Variants in CIAO3 observed in about 807,000 individuals in gnomAD.
The protein encoded by CIAO3 is cytosolic iron-sulfur assembly component 3.
Under a neutral mutation model 51.5 loss-of-function variants are expected in CIAO3, and 45 were observed. The observed-to-expected ratio is 0.87, with a 90% CI of 0.69 to 1.12. The LOEUF is 1.12. Among genes scored for constraint, CIAO3 ranks in the 50% most tolerant of loss-of-function variants. CIAO3 has a pLI of 0.00. For synonymous variants in CIAO3, 314 were observed against 269.3 expected, an observed-to-expected ratio of 1.17 and a Z score of -1.63; for missense variants, 668 against 632.5, an observed-to-expected ratio of 1.06 and a Z score of -0.60.
chr16:740,395 T>C (rs2041379149), intron 1 of CIAO3: 2 of 319,056 alleles, frequency 6.3e-6, no homozygotes, highest in South Asian at 2.6e-5. Flanking sequence ...GCGGGGCGTC[T>C]AGCGGGCCGC....
intron 10 of CIAO3, 26 bp from the exon 11 acceptor site, chr16:730,681 G>T: frequency 6.3e-7 from 1 of 1,598,732 alleles, no homozygotes. Context: ...CGGGACAGGG[G>T]TCACAGCCTG....
chr16:730,746 C>A (rs2041267860), intron 10 of CIAO3, 91 bp from the exon 11 acceptor site: 1 of 1,579,386 alleles, frequency 6.3e-7, no homozygotes, highest in African/African-American at 1.3e-5. Context: ...CGGGCCCCCT[C>A]TGTGCCCCAC....
In CIAO3 at chr16:734,721, C is replaced by G; in HGVS notation, c.574+16G>C. The G allele has an allele frequency of 6.2e-7, 1 of 1,612,790 alleles. No individual in the cohort carries two copies. The highest frequency in any genetic ancestry group is 1.1e-5 in the South Asian group (1 of 91,084). Reference sequence around the variant, plus strand: ...ACTTGAACTTGACTCTCCCACCACCCGCACCATGAGCACACCTGGGCAGGC... The same window carrying G: ...ACTTGAACTTGACTCTCCCACCACCGGCACCATGAGCACACCTGGGCAGGC... On this transcript the variant is annotated intron_variant, in intron 5 of 10. Coordinates refer to ENST00000251588, the MANE Select transcript of CIAO3 (RefSeq NM_022493.3).
chr16:740,917 C>T lies in CIAO3; in HGVS notation c.66+3G>A, dbSNP rs1423662712. On this transcript the variant is annotated splice_donor_region_variant and intron_variant, in intron 1 of 10. Coordinates refer to ENST00000251588, the MANE Select transcript of CIAO3 (RefSeq NM_022493.3). Reference sequence around the variant, plus strand: ...TCGACCCCGCCCGCCCAGGCCGGCCCACCTGAGACGGCCCGATGAAGTCAT... The same window carrying T: ...TCGACCCCGCCCGCCCAGGCCGGCCTACCTGAGACGGCCCGATGAAGTCAT... The T allele has an allele frequency of 2.0e-6, 3 of 1,529,118 alleles. No homozygotes were observed. The highest frequency in any genetic ancestry group is 2.5e-5 in the East Asian group (1 of 39,450). 94.7% of individuals were successfully genotyped at this position (1,529,118 alleles called of 1,614,324 possible).
At chr16:735,011 G>A (rs1178661340) in intron 4 of CIAO3, 140 bp from the exon 5 acceptor site, 15 of 1,226,482 alleles carry the variant, frequency 1.2e-5, no homozygotes, top group Non-Finnish European at 1.6e-5. Context: ...CCCCACCGTG[G>A]GGACCTCCTA....
chr16:740,386 C>A, intron 1 of CIAO3: 1 of 321,024 alleles, frequency 3.1e-6, no homozygotes, highest in South Asian at 2.6e-5. Flanking sequence ...GGAGCCACTG[C>A]GGGGCGTCTA....
In CIAO3 at chr16:734,999, G is replaced by A. The variant is rs547934542; in HGVS notation, c.440-128C>T. ...CACCTGCTTGCCGTGCCAAAGCCCC[G>A]GCCCCACCGTGGGGACCTCCTAAAG... On this transcript the variant is annotated intron_variant, in intron 4 of 10. Transcript: ENST00000251588. 2.7e-4 allele frequency: 356 copies of A among 1,312,316 alleles called. 3 individuals carry two copies. In the African/African-American group the frequency reaches 3.8e-3, roughly 14 times the overall value. 81.3% of individuals were successfully genotyped at this position (1,312,316 alleles called of 1,614,324 possible).
chr16:733,473 G>T (rs1043020723), intron 6 of CIAO3, 46 bp from the exon 7 acceptor site: 1 of 1,610,718 alleles, frequency 6.2e-7, no homozygotes, highest in Non-Finnish European at 8.5e-7. Context: ...CAGCAGTAAG[G>T]TGGCTGAGAC....
At chr16:731,456 C>T (rs1467196725) in intron 9 of CIAO3, 109 bp downstream of exon 9, 12 of 1,385,936 alleles carry the variant, frequency 8.7e-6, no homozygotes, top group Non-Finnish European at 9.4e-7. Flanking sequence ...CTGCAGGCTG[C>T]CCTCCACCCA....
intron 6 of CIAO3, 116 bp downstream of exon 6, chr16:734,113 G>A: frequency 3.3e-6 from 3 of 899,978 alleles, no homozygotes; most frequent in South Asian, 1.3e-5. Context: ...GGTGTGCTGG[G>A]GAAGGCCGCA....
chr16:738,305 G>A (rs1338562296), intron 2 of CIAO3: 3 of 984,626 alleles, frequency 3.0e-6, no homozygotes, highest in African/African-American at 1.8e-5. Context: ...TCAGGCAGAC[G>A]TTTTTTAGAG....
At chr16:735,048 C>A in intron 4 of CIAO3, 177 bp from the exon 5 acceptor site, 1 of 858,476 alleles carries the variant, frequency 1.2e-6, no homozygotes, top group Non-Finnish European at 1.7e-6. Context: ...AAGCCCCAGC[C>A]CCACTGTGGG....
intron 4 of CIAO3, 21 bp from the exon 5 acceptor site, chr16:734,892 C>A (rs371759618): frequency 6.5e-7 from 1 of 1,530,308 alleles, no homozygotes. Flanking sequence ...AAGGTGGGTG[C>A]CTGGTTAACC....
At position 737,316 on chromosome 16, in the gene CIAO3, C is replaced by T. The variant is rs145443437; in HGVS notation, c.176G>A (p.Arg59Gln). Residue 59 changes from arginine (R) to glutamine (Q), a missense_variant, in exon 3 of 11, where the codon CGG (arginine) becomes CAG (glutamine). Coordinates refer to ENST00000251588, the MANE Select transcript of CIAO3 (RefSeq NM_022493.3). This position sits in a 1 kb window ranked among gnomAD's most constrained non-coding sequence, Gnocchi z 5.3. ...CGAGACCTTGGCCTTCTCCAGCCTCCGGGTCCCGCCGTCCTACAAGGGAGA... is the reference window on the plus strand; with the variant it reads ...CGAGACCTTGGCCTTCTCCAGCCTCTGGGTCCCGCCGTCCTACAAGGGAGA... ...YFQINQDGGT[R>Q]RLEKAKVSLN... is the part of the protein sequence containing the mutation. 3.4e-3 allele frequency: 5,560 copies of T among 1,613,098 alleles called. 13 individuals are homozygous for T. The highest frequency in any genetic ancestry group is 4.8e-3 in the South Asian group (436 of 91,080).
chr16:738,839 G>C (rs901704004), intron 2 of CIAO3, among the ~76,000 whole-genome samples: 1 of 148,040 alleles, frequency 6.8e-6, no homozygotes, highest in African/African-American at 2.5e-5. Context: ...GTACAGATGG[G>C]GGTTGGCCAG....
chr16:733,537 G>A, intron 6 of CIAO3, 110 bp from the exon 7 acceptor site: 3 of 1,504,228 alleles, frequency 2.0e-6, no homozygotes, highest in East Asian at 2.3e-5. Context: ...GGGACAGTGA[G>A]CCTCACTCCA....
intron 7 of CIAO3, 86 bp from the exon 8 acceptor site, chr16:732,459 C>T: frequency 1.3e-6 from 2 of 1,489,932 alleles, no homozygotes; most frequent in Non-Finnish European, 1.9e-6. Context: ...GCATCCCCAG[C>T]AGTCTGCACT....
chr16:734,848 C>T lies in CIAO3; in HGVS notation c.463G>A (p.Ala155Thr), dbSNP rs545716248. 2.5e-5 allele frequency: 40 copies of T among 1,573,988 alleles called. No homozygotes were observed. The East Asian group carries it at 3.4e-4, about 13-fold the overall frequency. Residue 155 changes from alanine (A) to threonine (T), a missense_variant, in exon 5 of 11, where the codon GCC (alanine) becomes ACC (threonine). Physicochemically the swap from Ala to Thr is moderately conservative, Grantham distance 58. Transcript: ENST00000251588. ...KIGVHFVFDT[A>T]FSRHFSLLES... is the part of the protein sequence containing the mutation. ...AGGAGGCTGAAGTGCCTTGAGAAGG[C>T]GGTGTCGAAGACGAAGTGCACCCCT...
At chr16:733,163 C>G in intron 7 of CIAO3, 135 bp downstream of exon 7, 1 of 1,141,392 alleles carries the variant, frequency 8.8e-7, no homozygotes, top group South Asian at 1.6e-5. Flanking sequence ...GACGAAGGTA[C>G]GTGCACGCAT....
Sources: gnomAD v4.1 joint callset for allele counts (sites outside exome capture counted in the v4.1 genomes callset) on GRCh38, gnomAD v4.1.1 for gene constraint, Gnocchi (gnomAD v3.1) non-coding constraint, MANE v1.5 for transcripts, NCBI Gene and HGNC (gene_info 2026-07-23, HGNC 2026-07-21) for gene names.